The following FHL2 variants were observed in gnomAD, a reference collection of about 807,000 sequenced individuals.
FHL2 encodes the protein four and a half LIM domains 2.
FHL2 carries 20 observed loss-of-function variants against 32.7 expected under a neutral mutation model. The ratio of observed to expected loss-of-function variants is 0.61; its 90% CI spans 0.43 to 0.89. The LOEUF (loss-of-function observed/expected upper bound fraction) is 0.89, where lower values mean the gene tolerates loss of function less well. Among genes scored for constraint, FHL2 ranks in the 40% least tolerant of loss-of-function variants. The pLI, the probability that FHL2 is intolerant of heterozygous loss-of-function variation, is 0.00. For missense variants in FHL2, 311 were observed against 358.6 expected, an observed-to-expected ratio of 0.87 and a Z score of 1.07; for synonymous variants, 123 against 128.1, an observed-to-expected ratio of 0.96 and a Z score of 0.27.
At chr2:105,420,349 C>T (rs1684062782) in intron 1 of FHL2, among the ~76,000 whole-genome samples, 2 of 152,234 alleles carry the variant, frequency 1.3e-5, no homozygotes, top group African/African-American at 4.8e-5. Flanking sequence ...CCCAAATGTC[C>T]CCCTAATATC....
chr2:105,383,474 T>C (rs1682050657), intron 3 of FHL2, among the ~76,000 whole-genome samples: 1 of 152,240 alleles, frequency 6.6e-6, no homozygotes, highest in Non-Finnish European at 1.5e-5. Flanking sequence ...ATAGAGAGGA[T>C]GTTCAAACTA....
At chr2:105,406,455 CTT>C (rs10655752) in intron 1 of FHL2, among the ~76,000 whole-genome samples, 8 of 141,438 alleles carry the variant, frequency 5.7e-5, no homozygotes, top group Non-Finnish European at 4.6e-5. Context: ...TTTTTCTTAT[CTT>C]TTTTTTTTTT....
intron 3 of FHL2, among the ~76,000 whole-genome samples, chr2:105,379,977 C>G (rs1228925100): frequency 6.6e-6 from 1 of 152,220 alleles, no homozygotes; most frequent in Non-Finnish European, 1.5e-5. Flanking sequence ...CTGTCACTCT[C>G]TGAATGGGGC....
At chr2:105,367,539 C>T (rs770324100) in intron 5 of FHL2, 31 bp downstream of exon 5, 32 of 1,572,560 alleles carry the variant, frequency 2.0e-5, no homozygotes, top group South Asian at 2.4e-5. Context: ...CCAGCCAGAA[C>T]GTGCAAGGGC....
At chr2:105,396,194 C>A (rs1260567843) in intron 2 of FHL2, among the ~76,000 whole-genome samples, 2 of 152,128 alleles carry the variant, frequency 1.3e-5, no homozygotes, top group Non-Finnish European at 2.9e-5. Context: ...TTAGCTCACA[C>A]AATTACGAAG....
chr2:105,399,024 G>C lies in FHL2; in HGVS notation c.-258C>G. ...CGGGGCTGGAGGGCGCGGGCGGCTG[G>C]TGGCTGCGGCTCCGCTGCCGGCCGA... On this transcript the variant is annotated 5_prime_UTR_variant, in exon 1 of 7. Coordinates refer to ENST00000530340, the MANE Select transcript of FHL2 (RefSeq NM_001318895.3). The C allele has an allele frequency of 6.7e-7, 1 of 1,495,144 alleles. No homozygotes were observed. The highest frequency in any genetic ancestry group is 8.9e-7 in the Non-Finnish European group (1 of 1,125,400). The allele number at this position is 1,495,144 out of a possible 1,614,324, so 92.6% of individuals were successfully genotyped here. A position where few individuals can be genotyped will look rare whatever the true frequency, so the allele number is the denominator to read the frequency against.
intron 2 of FHL2, among the ~76,000 whole-genome samples, chr2:105,396,157 G>A (rs1037601554): frequency 6.6e-6 from 1 of 152,156 alleles, no homozygotes. Context: ...AACAAGAGAT[G>A]TACATAGAGA....
In FHL2 at chr2:105,367,669, C is replaced by G. The variant is rs199585402; in HGVS notation, c.402G>C (p.Gln134His). Reference sequence around the variant, plus strand: ...GGATGAAACTCTTGGTTCCAATTGGCTGCTGGCAGCGGTGGCAGATGAAGC... The same window carrying G: ...GGATGAAACTCTTGGTTCCAATTGGGTGCTGGCAGCGGTGGCAGATGAAGC... ...ETCFICHRCQ[Q>H]PIGTKSFIPK... The change falls in exon 5 of 7, where the codon CAG (glutamine) becomes CAC (histidine). Residue 134 changes from glutamine to histidine, a missense_variant. Physicochemically the swap from Gln to His is conservative, Grantham distance 24. Coordinates refer to ENST00000530340, the MANE Select transcript of FHL2 (RefSeq NM_001318895.3). 165 of 1,614,098 alleles carry G rather than the reference C, an allele frequency of 1.0e-4. No individual in the cohort carries two copies. The highest frequency in any genetic ancestry group is 1.9e-5 in the Non-Finnish European group (22 of 1,180,036).
At chr2:105,405,382 A>C (rs1354545043) in intron 1 of FHL2, among the ~76,000 whole-genome samples, 3 of 152,222 alleles carry the variant, frequency 2.0e-5, no homozygotes, top group Admixed American at 1.3e-4. Flanking sequence ...GAAATGGGGG[A>C]GTCTCATGCC....
chr2:105,410,264 C>A (rs1294561970), intron 1 of FHL2, among the ~76,000 whole-genome samples: 1 of 152,230 alleles, frequency 6.6e-6, no homozygotes, highest in East Asian at 1.9e-4. Flanking sequence ...AGTCTTAAAC[C>A]CAGGCAGGTT....
rs1170610825 is a variant in FHL2 at position 105,361,406 on chromosome 2, A to G, written c.717T>C (p.Phe239=). 7 of 1,614,172 alleles carry G rather than the reference A, an allele frequency of 4.3e-6. No homozygotes were observed. The highest frequency in any genetic ancestry group is 5.9e-6 in the Non-Finnish European group (7 of 1,179,990). Reference sequence around the variant, plus strand: ...AGTCGTTATGCCACTGCCGTTCCTCAAAGGAGATGTATTTTGTGCCACCAA... The same window carrying G: ...AGTCGTTATGCCACTGCCGTTCCTCGAAGGAGATGTATTTTGTGCCACCAA... ...SGLGGTKYIS[F]EERQWHNDCF... The change falls in exon 7 of 7, where the codon TTT becomes TTC. Residue 239 remains phenylalanine (F), a synonymous_variant. Coordinates refer to ENST00000530340, the MANE Select transcript of FHL2 (RefSeq NM_001318895.3).
chr2:105,392,764 T>A (rs1682817247), intron 2 of FHL2, among the ~76,000 whole-genome samples: 1 of 139,906 alleles, frequency 7.1e-6, no homozygotes. Flanking sequence ...AGGAGGAGGG[T>A]AAATGAAATG....
chr2:105,384,024 A>G (rs1193887267), intron 3 of FHL2, among the ~76,000 whole-genome samples: 2 of 152,230 alleles, frequency 1.3e-5, no homozygotes, highest in African/African-American at 4.8e-5. Flanking sequence ...CTCATAAAAC[A>G]TGCGTGGAAG....
At chr2:105,423,580 C>G (rs1684170658) in intron 1 of FHL2, among the ~76,000 whole-genome samples, 1 of 152,178 alleles carries the variant, frequency 6.6e-6, no homozygotes, top group South Asian at 2.1e-4. Context: ...TCTTGTCTTT[C>G]TGGTTAAAGG....
intron 3 of FHL2, among the ~76,000 whole-genome samples, chr2:105,380,210 C>T (rs760614632): frequency 8.5e-5 from 13 of 152,264 alleles, no homozygotes; most frequent in South Asian, 4.2e-4. Context: ...TTTAGCCACA[C>T]GATTCCCTAG....
At chr2:105,409,383 A>G (rs994662700) in intron 1 of FHL2, among the ~76,000 whole-genome samples, 1 of 152,188 alleles carries the variant, frequency 6.6e-6, no homozygotes, top group Non-Finnish European at 1.5e-5. Context: ...GAAGTCTCCC[A>G]TGATGCTCAT....
chr2:105,362,981 CTT>C (rs892856406), intron 6 of FHL2: 1 of 332,528 alleles, frequency 3.0e-6, no homozygotes, highest in Non-Finnish European at 5.6e-6. Flanking sequence ...TTTTATTGTG[CTT>C]TTGTGATGTC....
intron 2 of FHL2, among the ~76,000 whole-genome samples, chr2:105,394,890 T>C (rs1442789702): frequency 6.6e-6 from 1 of 152,238 alleles, no homozygotes; most frequent in African/African-American, 2.4e-5. Context: ...AGGCAATGTT[T>C]GAATAAGGTA....
At chr2:105,418,371 C>T (rs2102859) in intron 1 of FHL2, among the ~76,000 whole-genome samples, 54,571 of 151,702 alleles carry the variant, frequency 0.36, 10,395 homozygotes, top group Admixed American at 0.47. Context: ...CAACAGAAAC[C>T]ACTTATTTTC....
Sources: gnomAD v4.1 joint callset for allele counts (sites outside exome capture counted in the v4.1 genomes callset) on GRCh38, gnomAD v4.1.1 for gene constraint, MANE v1.5 for transcripts, NCBI Gene and HGNC (gene_info 2026-07-23, HGNC 2026-07-21) for gene names.